Variants in FYCO1 observed in about 807,000 individuals in gnomAD.
FYCO1 encodes FYVE and coiled-coil domain autophagy adaptor 1.
Under a neutral mutation model 165.1 loss-of-function variants are expected in FYCO1, and 122 were observed. The observed-to-expected ratio is 0.74, with a 90% CI of 0.64 to 0.86. FYCO1 has a LOEUF of 0.86. Among genes scored for constraint, FYCO1 ranks in the 40% least tolerant of loss-of-function variants. FYCO1 has a pLI of 0.00. For missense variants in FYCO1, 1,702 were observed against 1,810.3 expected (o/e 0.94, Z 1.09); for synonymous variants, 648 against 742.5 (o/e 0.87, Z 2.07).
At chr3:45,939,042 C>T (rs367596920) in intron 14 of FYCO1, among the ~76,000 whole-genome samples, 4 of 152,248 alleles carry the variant, frequency 2.6e-5, no homozygotes, top group Admixed American at 6.5e-5. Flanking sequence ...ACTGCCCACG[C>T]GGCTTTCCTC....
At chr3:45,984,709 A>T in intron 2 of FYCO1, 147 bp downstream of exon 2, 1 of 789,490 alleles carries the variant, frequency 1.3e-6, no homozygotes, top group Non-Finnish European at 2.1e-6. Context: ...TTTGAGACCC[A>T]AATATTTCAA....
intron 16 of FYCO1, among the ~76,000 whole-genome samples, chr3:45,924,730 A>G (rs1351217469): frequency 1.3e-5 from 2 of 150,790 alleles, no homozygotes; most frequent in South Asian, 4.2e-4. Flanking sequence ...CTCCTTTCTC[A>G]GTGTCCCGAG....
intron 5 of FYCO1, 148 bp downstream of exon 5, chr3:45,975,091 G>A (rs1265100378): frequency 2.8e-6 from 2 of 726,034 alleles, no homozygotes; most frequent in African/African-American, 3.5e-5. Flanking sequence ...GGGAGGAGGG[G>A]TGGAAGACAA....
chr3:45,967,722 GCTT>G lies in FYCO1; in HGVS notation c.1609_1611del (p.Lys537del). On this transcript the variant is annotated inframe_deletion, in exon 8 of 18. Transcript: ENST00000296137. ...AGGTGGTCTTTGTCCTGAATGAGCTGCTTCTTCTGCTCCTCCAGGTCACTCACA... is the reference window on the plus strand; with the variant it reads ...AGGTGGTCTTTGTCCTGAATGAGCTGCTTCTGCTCCTCCAGGTCACTCACA... The G allele has an allele frequency of 6.2e-7, 1 of 1,613,160 alleles. No individual in the cohort carries two copies. Among genetic ancestry groups the G allele is most frequent in the Non-Finnish European group, 8.5e-7 (1 of 1,180,034 alleles).
intron 1 of FYCO1, among the ~76,000 whole-genome samples, chr3:45,986,670 C>T (rs1707331791): frequency 6.6e-6 from 1 of 152,132 alleles, no homozygotes; most frequent in Non-Finnish European, 1.5e-5. Flanking sequence ...AGAGAACCCC[C>T]CAAACCTCCC....
intron 15 of FYCO1, among the ~76,000 whole-genome samples, chr3:45,935,311 G>A (rs1259341157): frequency 6.6e-6 from 1 of 152,142 alleles, no homozygotes; most frequent in African/African-American, 2.4e-5. Flanking sequence ...TTTTTCAACT[G>A]TAAATTAGAT....
intron 14 of FYCO1, chr3:45,945,609 C>T (rs912451415): frequency 6.6e-6 from 1 of 152,138 alleles, no homozygotes; most frequent in African/African-American, 2.4e-5. Flanking sequence ...ATCACAGGAG[C>T]TAAGGCAAGG....
intron 17 of FYCO1, among the ~76,000 whole-genome samples, chr3:45,923,100 A>C (rs1202489010): frequency 6.6e-6 from 1 of 150,790 alleles, no homozygotes; most frequent in Non-Finnish European, 1.5e-5. Flanking sequence ...CAACCTATAC[A>C]CTCCTGAACC....
intron 16 of FYCO1, among the ~76,000 whole-genome samples, chr3:45,929,791 T>A (rs761001616): frequency 1.3e-5 from 2 of 152,092 alleles, no homozygotes; most frequent in Non-Finnish European, 2.9e-5. Context: ...GAGAGTGAGT[T>A]TGAAAAGCAG....
Position 45,990,647 on chromosome 3 carries a change from C to T in FYCO1, c.-113+5075G>A, listed in dbSNP as rs754596197. On this transcript the variant is annotated intron_variant, in intron 1 of 17. Transcript: ENST00000296137. The stretch of plus-strand genomic sequence containing the variant: ...CACATGGAGAGCCCTCAATAAATTA[C>T]TGCTGAATGAATGAATGAATTAGAC... Among the ~76,000 whole-genome samples the T allele has an allele frequency of 2.6e-5, 4 of 152,204 alleles. No homozygotes were observed. In the South Asian group the frequency reaches 8.3e-4, roughly 31 times the overall value.
chr3:45,951,415 G>C (rs1258204744), intron 14 of FYCO1, among the ~76,000 whole-genome samples: 1 of 152,180 alleles, frequency 6.6e-6, no homozygotes, highest in Non-Finnish European at 1.5e-5. Flanking sequence ...TGGAGCTCAA[G>C]CTCTTCACCA....
rs1707057499 is a variant in FYCO1 at position 45,981,561 on chromosome 3, A to T, written c.162+9T>A. 2.0e-6 allele frequency: 3 copies of T among 1,525,850 alleles called. No individual in the cohort carries two copies. 94.5% of individuals were successfully genotyped at this position (1,525,850 alleles called of 1,614,324 possible). On this transcript the variant is annotated intron_variant, in intron 3 of 17. Transcript: ENST00000296137. ...GTGCAAAAATCAACACATTACAGGCATCACTTACTTGCAGGAGATACTCAA... is the reference window on the plus strand; with the variant it reads ...GTGCAAAAATCAACACATTACAGGCTTCACTTACTTGCAGGAGATACTCAA...
At chr3:45,948,936 A>G (rs983301602) in intron 14 of FYCO1, among the ~76,000 whole-genome samples, 1 of 152,210 alleles carries the variant, frequency 6.6e-6, no homozygotes, top group African/African-American at 2.4e-5. Context: ...ACTGCATGTA[A>G]AACACTTGGC....
In FYCO1 at chr3:45,940,110, G is replaced by C. The variant is rs562715971; in HGVS notation, c.3945-3567C>G. On this transcript the variant is annotated intron_variant, in intron 14 of 17. Coordinates refer to ENST00000296137, the MANE Select transcript of FYCO1 (RefSeq NM_024513.4). ...CAAATTATTATTATTGTATTAACTT[G>C]ATTTTACTTTGCTAATCCATTGCTT... is the stretch of plus-strand genomic sequence containing the variant. 1.4e-4 allele frequency among the ~76,000 whole-genome samples: 22 copies of C among 152,328 alleles called. 1 individual carries two copies. The South Asian group carries it at 4.3e-3, about 30-fold the overall frequency.
chr3:45,947,789 C>T (rs1704730316), intron 14 of FYCO1: 2 of 427,922 alleles, frequency 4.7e-6, no homozygotes, highest in Non-Finnish European at 4.4e-6. Context: ...CATGTGACTC[C>T]TATGATCTCA....
At chr3:45,976,372 G>A (rs573671699) in intron 4 of FYCO1, among the ~76,000 whole-genome samples, 9 of 152,308 alleles carry the variant, frequency 5.9e-5, no homozygotes, top group Middle Eastern at 3.4e-3. Flanking sequence ...TGGCCAAGGC[G>A]GATGGAATAA....
At chr3:45,958,339 G>T in intron 13 of FYCO1, 69 bp downstream of exon 13, 1 of 1,403,834 alleles carries the variant, frequency 7.1e-7, no homozygotes, top group Non-Finnish European at 1.0e-6. Flanking sequence ...GCACTAACTA[G>T]CCACAACATC....
At chr3:45,949,167 T>C (rs1704834595) in intron 14 of FYCO1, among the ~76,000 whole-genome samples, 1 of 152,144 alleles carries the variant, frequency 6.6e-6, no homozygotes, top group African/African-American at 2.4e-5. Context: ...CTACCTACTG[T>C]TTCATAAACA....
intron 15 of FYCO1, among the ~76,000 whole-genome samples, chr3:45,935,536 G>A (rs1006290707): frequency 2.6e-5 from 4 of 152,120 alleles, no homozygotes; most frequent in Non-Finnish European, 4.4e-5. Context: ...CCTTTGTGCT[G>A]CCTGTTCCCT....
Sources: allele counts gnomAD v4.1 joint callset (sites outside exome capture counted in the v4.1 genomes callset), GRCh38; gene constraint gnomAD v4.1.1; transcripts MANE v1.5; gene names NCBI Gene and HGNC (gene_info 2026-07-23, HGNC 2026-07-21).